Variants in CMIP observed in about 807,000 individuals in gnomAD.
The protein encoded by CMIP is C-Maf-inducing protein.
CMIP carries 13 observed loss-of-function variants against 97.3 expected under a neutral mutation model. That is an observed-to-expected ratio of 0.13 (90% CI 0.09 to 0.21). CMIP has a LOEUF of 0.21. Among genes scored for constraint, CMIP ranks in the 10% least tolerant of loss-of-function variants. The pLI, the probability that CMIP is intolerant of heterozygous loss-of-function variation, is 1.00. For missense variants in CMIP, 847 were observed against 1,024.9 expected (o/e 0.83, Z 2.37); for synonymous variants, 538 against 436.3 (o/e 1.23, Z -2.91).
At chr16:81,473,768 C>G (rs1028589727) in intron 1 of CMIP, among the ~76,000 whole-genome samples, 7 of 150,858 alleles carry the variant, frequency 4.6e-5, no homozygotes, top group Non-Finnish European at 8.8e-5. Flanking sequence ...GACCCATGGG[C>G]CAAGTCAAGT....
At chr16:81,683,283 G>T (rs1479103491) in intron 10 of CMIP, among the ~76,000 whole-genome samples, 1 of 152,190 alleles carries the variant, frequency 6.6e-6, no homozygotes, top group Non-Finnish European at 1.5e-5. Flanking sequence ...ATTGGCTCCC[G>T]TCGACCGCTT....
chr16:81,641,016 C>A (rs1013861728), intron 3 of CMIP, among the ~76,000 whole-genome samples: 1 of 152,080 alleles, frequency 6.6e-6, no homozygotes, highest in Non-Finnish European at 1.5e-5. Flanking sequence ...AGCACGTCCA[C>A]CATGAAATGA....
chr16:81,584,323 T>C (rs2091345084), intron 1 of CMIP, among the ~76,000 whole-genome samples: 1 of 152,184 alleles, frequency 6.6e-6, no homozygotes, highest in Non-Finnish European at 1.5e-5. Context: ...TGGAAGTACT[T>C]CGATGTCCTC....
intron 1 of CMIP, among the ~76,000 whole-genome samples, chr16:81,529,184 A>C (rs2090185656): frequency 6.6e-6 from 1 of 152,236 alleles, no homozygotes; most frequent in African/African-American, 2.4e-5. Context: ...TCTCTAGGGC[A>C]GGTTGGGAGG....
intron 1 of CMIP, among the ~76,000 whole-genome samples, chr16:81,448,388 G>A (rs144466247): frequency 1.1e-4 from 17 of 152,266 alleles, no homozygotes; most frequent in East Asian, 1.9e-4. Context: ...ATTTAAGACC[G>A]TGCTTCCAGG....
rs982425776 is a variant in CMIP, at chr16:81,455,481, A to G, written c.300+9940A>G. On this transcript the variant is annotated intron_variant, in intron 1 of 20. Transcript: ENST00000537098. ...CCCACGGAGAGGGAGGCGCAAGCCC[A>G]GATCTCTACCCCTCCACTTCCTTGT... is the stretch of plus-strand genomic sequence containing the variant. Among the ~76,000 whole-genome samples, 3 of 152,248 alleles carry G rather than the reference A, an allele frequency of 2.0e-5. No homozygotes were observed. The East Asian group carries it at 5.8e-4, about 29-fold the overall frequency.
chr16:81,540,678 G>A (rs28737281), intron 1 of CMIP, among the ~76,000 whole-genome samples: 1 of 117,762 alleles, frequency 8.5e-6, no homozygotes, highest in Non-Finnish European at 1.9e-5. Flanking sequence ...GTGTGTGTGT[G>A]TGTGTGTTTG....
intron 1 of CMIP, among the ~76,000 whole-genome samples, chr16:81,589,222 A>G (rs191403166): frequency 3.3e-5 from 5 of 152,038 alleles, no homozygotes; most frequent in Admixed American, 3.3e-4. Flanking sequence ...TCAGCTTCCC[A>G]AGTAGCTGGG....
At chr16:81,472,943 G>T (rs963793467) in intron 1 of CMIP, among the ~76,000 whole-genome samples, 1 of 152,196 alleles carries the variant, frequency 6.6e-6, no homozygotes, top group Non-Finnish European at 1.5e-5. Context: ...GTGAGGGGCT[G>T]GTCTGTTTAA....
At chr16:81,645,528 T>G in intron 3 of CMIP, 1 of 1,536,042 alleles carries the variant, frequency 6.5e-7, no homozygotes, top group South Asian at 1.2e-5. Context: ...CTGCTTTCCC[T>G]GGCCTGAGAA....
chr16:81,489,431 C>T (rs553960599), intron 1 of CMIP, among the ~76,000 whole-genome samples: 4 of 152,286 alleles, frequency 2.6e-5, no homozygotes, highest in South Asian at 4.1e-4. Context: ...GTAGTCAGAG[C>T]GTATTATTCA....
At chr16:81,683,127 C>G (rs931990850) in intron 10 of CMIP, among the ~76,000 whole-genome samples, 8 of 152,176 alleles carry the variant, frequency 5.3e-5, no homozygotes, top group African/African-American at 1.9e-4. Flanking sequence ...CCATACTGGT[C>G]CCTGTACTCA....
In CMIP at chr16:81,614,136, C is replaced by G. The variant is rs111723875; in HGVS notation, c.426+6444C>G. Among the ~76,000 whole-genome samples, 6,715 of 152,098 alleles carry G rather than the reference C, an allele frequency of 0.044. 447 individuals carry two copies. The highest frequency in any genetic ancestry group is 0.15 in the African/African-American group (6,298 of 41,450). ...GGAGAAGTGGCATTTCAGGAGGGACCTGAAGTGTAAGTAGGAGTCCAGCGG... is the reference window on the plus strand; with the variant it reads ...GGAGAAGTGGCATTTCAGGAGGGACGTGAAGTGTAAGTAGGAGTCCAGCGG... On this transcript the variant is annotated intron_variant, in intron 2 of 20. Coordinates refer to ENST00000537098, the MANE Select transcript of CMIP (RefSeq NM_198390.3). This position sits in a 1 kb window ranked among gnomAD's most constrained non-coding sequence, Gnocchi z 5.3.
rs540730821 is a variant in CMIP, at chr16:81,648,255, A to C, written c.478-3948A>C. 2.6e-5 allele frequency among the ~76,000 whole-genome samples: 4 copies of C among 151,808 alleles called. No homozygotes were observed. The South Asian group carries it at 8.4e-4, about 32-fold the overall frequency. ...TGGCCAGAGCCAGTTTTCATTCCTG[A>C]ATTGTCCCTTTCTAGCTGCTTGACT... On this transcript the variant is annotated intron_variant, in intron 3 of 20. Transcript: ENST00000537098.
intron 3 of CMIP, among the ~76,000 whole-genome samples, chr16:81,629,556 C>A (rs998635906): frequency 6.6e-6 from 1 of 152,250 alleles, no homozygotes; most frequent in Non-Finnish European, 1.5e-5. Flanking sequence ...CTTCCTCCCT[C>A]TCTGTCTCCT....
chr16:81,514,251 G>A (rs1047966603), intron 1 of CMIP, among the ~76,000 whole-genome samples: 3 of 152,204 alleles, frequency 2.0e-5, no homozygotes, highest in Non-Finnish European at 1.5e-5. Flanking sequence ...TGGAGGGGTG[G>A]GGCAGGCAGG....
chr16:81,702,483 C>A (rs545328954), intron 16 of CMIP, 139 bp from the exon 17 acceptor site: 2 of 854,268 alleles, frequency 2.3e-6, no homozygotes, highest in Admixed American at 2.1e-5. Context: ...CGGGTTTGCC[C>A]CTGAGACCAA....
At chr16:81,580,595 C>G (rs554753165) in intron 1 of CMIP, among the ~76,000 whole-genome samples, 1 of 152,012 alleles carries the variant, frequency 6.6e-6, no homozygotes, top group Non-Finnish European at 1.5e-5. Context: ...GCCACCACAC[C>G]CAGCTAATTT....
rs1382565000 is a variant in CMIP at position 81,627,660 on chromosome 16, C to A, written c.477+6734C>A. Among the ~76,000 whole-genome samples the A allele has an allele frequency of 6.6e-6, 1 of 152,020 alleles. No homozygotes were observed. On this transcript the variant is annotated intron_variant, in intron 3 of 20. Transcript: ENST00000537098. This position sits in a 1 kb window ranked among gnomAD's most constrained non-coding sequence, Gnocchi z 4.6. Reference sequence around the variant, plus strand: ...GCCCCTGTGCTCCTGAGTCCGGAAACAGTTCTGTGGGGTCCACATCCCTCC... The same window carrying A: ...GCCCCTGTGCTCCTGAGTCCGGAAAAAGTTCTGTGGGGTCCACATCCCTCC...
Sources: allele counts gnomAD v4.1 joint callset (sites outside exome capture counted in the v4.1 genomes callset), GRCh38; gene constraint gnomAD v4.1.1; non-coding constraint Gnocchi (gnomAD v3.1); transcripts MANE v1.5; gene names NCBI Gene and HGNC (gene_info 2026-07-23, HGNC 2026-07-21).